GNB1: variants seen among roughly 807,000 people sequenced by gnomAD.
GNB1 encodes the protein guanine nucleotide-binding protein G(I)/G(S)/G(T) subunit beta-1.
A neutral mutation model predicts 42.9 loss-of-function variants in GNB1; 2 were observed. The ratio of observed to expected loss-of-function variants is 0.05; its 90% CI spans 0.02 to 0.15. The LOEUF (loss-of-function observed/expected upper bound fraction) is 0.15, where lower values mean the gene tolerates loss of function less well. GNB1 is among the 10% of genes least tolerant of loss of function. The pLI is 1.00. For missense variants in GNB1, 193 were observed against 462.2 expected, an observed-to-expected ratio of 0.42 and a Z score of 5.34; for synonymous variants, 183 against 174.7, an observed-to-expected ratio of 1.05 and a Z score of -0.38.
intron 6 of GNB1, among the ~76,000 whole-genome samples, chr1:1,806,122 A>G (rs750136411): frequency 4.6e-5 from 7 of 152,226 alleles, no homozygotes; most frequent in Non-Finnish European, 8.8e-5. Context: ...AAAAACTTGT[A>G]ACTGAATGAA....
chr1:1,829,458 C>T (rs1328702827), intron 2 of GNB1, among the ~76,000 whole-genome samples: 1 of 152,196 alleles, frequency 6.6e-6, no homozygotes, highest in Non-Finnish European at 1.5e-5. Context: ...ACACCCTGTA[C>T]AGGAGTTCAG....
intron 5 of GNB1, among the ~76,000 whole-genome samples, chr1:1,815,354 C>A (rs1304500480): frequency 6.6e-6 from 1 of 152,154 alleles, no homozygotes; most frequent in Non-Finnish European, 1.5e-5. Context: ...ATTTCCTGAG[C>A]CAGGGCACTG....
chr1:1,817,140 ACT>A (rs1167234798), intron 4 of GNB1, among the ~76,000 whole-genome samples: 3 of 151,928 alleles, frequency 2.0e-5, no homozygotes, highest in Non-Finnish European at 2.9e-5. Context: ...CCACTAGTCC[ACT>A]CTGTCTCAGT....
At chr1:1,890,284 GGC>G (rs1286930291) in intron 1 of GNB1, 1 of 151,808 alleles carries the variant, frequency 6.6e-6, no homozygotes, top group African/African-American at 2.4e-5. Context: ...CTCCGACCGC[GGC>G]GCGCGGCCCG....
chr1:1,841,691 TTTAC>T (rs1393784334), intron 1 of GNB1, among the ~76,000 whole-genome samples: 1 of 152,196 alleles, frequency 6.6e-6, no homozygotes, highest in Non-Finnish European at 1.5e-5. Context: ...TTCTAATTCA[TTTAC>T]TTAAAGTAGT....
At chr1:1,824,258 A>C (rs757586338) in intron 3 of GNB1, among the ~76,000 whole-genome samples, 4 of 152,236 alleles carry the variant, frequency 2.6e-5, no homozygotes, top group African/African-American at 9.6e-5. Context: ...ATGTTTCTCT[A>C]TAAAATATTT....
At chr1:1,834,111 A>G (rs548467216) in intron 2 of GNB1, among the ~76,000 whole-genome samples, 5 of 152,224 alleles carry the variant, frequency 3.3e-5, no homozygotes, top group African/African-American at 7.2e-5. Flanking sequence ...CATCTCCTTC[A>G]TGTCCCAGTC....
At chr1:1,842,256 C>T (rs903394253) in intron 1 of GNB1, among the ~76,000 whole-genome samples, 9 of 152,182 alleles carry the variant, frequency 5.9e-5, no homozygotes, top group African/African-American at 1.9e-4. Context: ...CGGTGAAACC[C>T]CATCTCTACT....
At chr1:1,867,457 G>C (rs1241570682) in intron 1 of GNB1, among the ~76,000 whole-genome samples, 1 of 152,140 alleles carries the variant, frequency 6.6e-6, no homozygotes, top group Non-Finnish European at 1.5e-5. Flanking sequence ...TTATATTTTA[G>C]TGGCTACTGA....
chr1:1,847,371 G>C (rs1647724765), intron 1 of GNB1, among the ~76,000 whole-genome samples: 1 of 152,156 alleles, frequency 6.6e-6, no homozygotes. Context: ...GCCAGTAAGG[G>C]ATTGCCTTTT....
At chr1:1,811,086 T>A (rs781770748) in intron 5 of GNB1, among the ~76,000 whole-genome samples, 17,797 of 147,064 alleles carry the variant, frequency 0.12, 1,181 homozygotes, top group Non-Finnish European at 0.16. Flanking sequence ...TATATATTTT[T>A]TTTTTTTTTC....
chr1:1,859,420 A>G (rs898523802), intron 1 of GNB1, among the ~76,000 whole-genome samples: 6 of 152,056 alleles, frequency 3.9e-5, no homozygotes, highest in African/African-American at 1.4e-4. Context: ...GTGGTGGCTC[A>G]TGTGAGCCTG....
At chr1:1,799,940 C>T (rs929845677) in intron 7 of GNB1, among the ~76,000 whole-genome samples, 1 of 152,176 alleles carries the variant, frequency 6.6e-6, no homozygotes, top group African/African-American at 2.4e-5. Flanking sequence ...ACCAGATATC[C>T]GACACCTGAA....
intron 2 of GNB1, among the ~76,000 whole-genome samples, chr1:1,827,134 T>C (rs185949977): frequency 2.6e-5 from 4 of 152,310 alleles, no homozygotes; most frequent in Admixed American, 2.6e-4. Context: ...TTAAAACCCA[T>C]CTGTGGGAAA....
intron 2 of GNB1, among the ~76,000 whole-genome samples, chr1:1,838,586 A>G (rs1254202346): frequency 6.6e-6 from 1 of 151,720 alleles, no homozygotes; most frequent in Admixed American, 6.6e-5. Flanking sequence ...CTGGGACTAC[A>G]GGCGCCCACC....
At chr1:1,871,230 C>T (rs146135208) in intron 1 of GNB1, among the ~76,000 whole-genome samples, 1 of 152,060 alleles carries the variant, frequency 6.6e-6, no homozygotes, top group Non-Finnish European at 1.5e-5. Flanking sequence ...AAGGCCGAGG[C>T]AGGTGGATCA....
At chr1:1,811,449 C>T (rs1471355102) in intron 5 of GNB1, among the ~76,000 whole-genome samples, 1 of 151,744 alleles carries the variant, frequency 6.6e-6, no homozygotes, top group Non-Finnish European at 1.5e-5. Flanking sequence ...AATCCCAGCA[C>T]TTTGGGAGGC....
chr1:1,885,838 G>A (rs780215930), intron 1 of GNB1, among the ~76,000 whole-genome samples: 2 of 148,922 alleles, frequency 1.3e-5, no homozygotes, highest in East Asian at 2.0e-4. Context: ...GATTACAGGC[G>A]TGAGCCACCG....
intron 9 of GNB1, among the ~76,000 whole-genome samples, chr1:1,789,539 A>G (rs1646452564): frequency 6.6e-6 from 1 of 152,102 alleles, no homozygotes; most frequent in African/African-American, 2.4e-5. Context: ...CTAAAAATAC[A>G]AAATTAGCTG....
Sources: allele counts gnomAD v4.1 joint callset (sites outside exome capture counted in the v4.1 genomes callset), GRCh38; gene constraint gnomAD v4.1.1; transcripts MANE v1.5; gene names NCBI Gene and HGNC (gene_info 2026-07-23, HGNC 2026-07-21).